Variants in PATJ observed in about 807,000 individuals in gnomAD.
PATJ encodes PATJ crumbs cell polarity complex component.
PATJ carries 190 observed loss-of-function variants against 224.9 expected under a neutral mutation model. The ratio of observed to expected loss-of-function variants is 0.84; its 90% CI spans 0.75 to 0.95. The LOEUF (loss-of-function observed/expected upper bound fraction) is 0.95, where lower values mean the gene tolerates loss of function less well. PATJ is among the 40% of genes least tolerant of loss of function. The pLI is 0.00. For synonymous variants in PATJ, 769 were observed against 820.3 expected (o/e 0.94, Z 1.07); for missense variants, 2,121 against 2,270.3 (o/e 0.93, Z 1.34).
At chr1:62,023,306 A>T (rs1289038107) in intron 29 of PATJ, among the ~76,000 whole-genome samples, 1 of 151,596 alleles carries the variant, frequency 6.6e-6, no homozygotes, top group Non-Finnish European at 1.5e-5. Context: ...AAAAAAAAAA[A>T]TCCTTCTTGT....
At chr1:61,946,833 A>T (rs11207875) in intron 27 of PATJ, among the ~76,000 whole-genome samples, 6,588 of 152,234 alleles carry the variant, frequency 0.043, 533 homozygotes, top group African/African-American at 0.15. Context: ...ATACCAGCAA[A>T]CCGAATCCAG....
At chr1:61,997,987 T>TATATATATATATATATA (rs1645485806) in intron 28 of PATJ, among the ~76,000 whole-genome samples, 2 of 109,366 alleles carry the variant, frequency 1.8e-5, no homozygotes, top group African/African-American at 7.8e-5. Context: ...CCAGCTTATA[T>TATATATATATATATATA]ATGTATATAT....
intron 24 of PATJ, among the ~76,000 whole-genome samples, chr1:61,903,269 G>A (rs1459636948): frequency 6.6e-6 from 1 of 152,198 alleles, no homozygotes; most frequent in African/African-American, 2.4e-5. Context: ...GAGCAGTCAG[G>A]TTGTGGTATA....
intron 11 of PATJ, among the ~76,000 whole-genome samples, chr1:61,801,360 C>G (rs1175012434): frequency 1.3e-5 from 2 of 152,060 alleles, no homozygotes; most frequent in East Asian, 3.8e-4. Context: ...ATGTGTCTTC[C>G]CATTGTTTAG....
chr1:62,110,315 G>T (rs183796488), intron 34 of PATJ, among the ~76,000 whole-genome samples: 1 of 152,326 alleles, frequency 6.6e-6, no homozygotes, highest in African/African-American at 2.4e-5. Context: ...AATGTGTGAT[G>T]AGGCATCGGC....
At chr1:62,022,679 C>T (rs1303788372) in intron 29 of PATJ, among the ~76,000 whole-genome samples, 1 of 152,180 alleles carries the variant, frequency 6.6e-6, no homozygotes, top group African/African-American at 2.4e-5. Context: ...TAACAACTCA[C>T]TCTCCATTAC....
At chr1:62,066,540 C>T (rs1255222567) in intron 31 of PATJ, among the ~76,000 whole-genome samples, 2 of 152,064 alleles carry the variant, frequency 1.3e-5, no homozygotes, top group Non-Finnish European at 2.9e-5. Flanking sequence ...GGAGACACCA[C>T]ACCTGGCCTG....
chr1:61,979,001 C>T (rs112140708), intron 27 of PATJ, among the ~76,000 whole-genome samples: 120 of 152,108 alleles, frequency 7.9e-4, no homozygotes, highest in African/African-American at 2.6e-3. Context: ...AAGAAAAAGG[C>T]ATTGATGCTT....
chr1:61,855,555 C>T (rs987965731), intron 17 of PATJ, among the ~76,000 whole-genome samples: 1 of 151,966 alleles, frequency 6.6e-6, no homozygotes, highest in African/African-American at 2.4e-5. Flanking sequence ...GTTCGGACTA[C>T]AAACACACAC....
chr1:62,089,317 A>G (rs1660423706), intron 33 of PATJ, among the ~76,000 whole-genome samples: 1 of 151,612 alleles, frequency 6.6e-6, no homozygotes, highest in South Asian at 2.1e-4. Context: ...GAATTCCATC[A>G]CTTCCTGCAA....
chr1:61,763,667 C>A (rs1346436474), intron 3 of PATJ, among the ~76,000 whole-genome samples: 4 of 150,924 alleles, frequency 2.7e-5, no homozygotes, highest in African/African-American at 7.3e-5. Context: ...AATATATTTT[C>A]TTTTTATTTT....
At position 61,990,174 on chromosome 1, in the gene PATJ, T is replaced by C. The variant is rs576287443; in HGVS notation, c.3677T>C (p.Ile1226Thr). The C allele has an allele frequency of 6.3e-7, 1 of 1,592,428 alleles. No individual in the cohort carries two copies. Among genetic ancestry groups the C allele is most frequent in the East Asian group, 2.2e-5 (1 of 44,522 alleles). ...EEEDAFTDQK[I>T]RQRYADLPGE... ...AAAAAAATTCTTTTAATAGAAAAAA[T>C]CAGACAAAGATATGCAGATCTGCCT... is the stretch of plus-strand genomic sequence containing the variant. The change falls in exon 28 of 44, where the codon ATC becomes ACC. Residue 1226 changes from isoleucine (I) to threonine (T), a missense_variant. Transcript: ENST00000642238.
At chr1:62,047,076 T>C (rs1652700912) in intron 30 of PATJ, among the ~76,000 whole-genome samples, 1 of 152,220 alleles carries the variant, frequency 6.6e-6, no homozygotes, top group African/African-American at 2.4e-5. Flanking sequence ...CTCTAATTTA[T>C]TTAAGGAACG....
At position 62,153,447 on chromosome 1, in the gene PATJ, A is replaced by G; in HGVS notation, c.5468A>G (p.Asp1823Gly). 8.1e-7 allele frequency: 1 copy of G among 1,231,582 alleles called. No individual in the cohort carries two copies. The highest frequency in any genetic ancestry group is 1.0e-6 in the Non-Finnish European group (1 of 987,532). The allele number at this position is 1,231,582 out of a possible 1,614,324, so 76.3% of individuals were successfully genotyped here. The part of the protein sequence containing the change: ...IVGGYGSPHG[D>G]LPIYVKTVFA... ...GGGGGTTATGGAAGTCCCCATGGAG[A>G]CCTGCCAATTTATGTCAAGACTGTA... is the stretch of plus-strand genomic sequence containing the variant. The change falls in exon 43 of 44, where the codon GAC (aspartate) becomes GGC (glycine). Residue 1823 changes from aspartate to glycine, a missense_variant. Transcript: ENST00000642238.
intron 3 of PATJ, among the ~76,000 whole-genome samples, chr1:61,764,875 T>A (rs1372418682): frequency 6.6e-6 from 1 of 152,094 alleles, no homozygotes; most frequent in Admixed American, 6.6e-5. Flanking sequence ...CAACTGAAAT[T>A]GGCAAAGATC....
At chr1:62,001,837 C>G (rs941331178) in intron 28 of PATJ, among the ~76,000 whole-genome samples, 7 of 151,000 alleles carry the variant, frequency 4.6e-5, no homozygotes, top group African/African-American at 7.3e-5. Context: ...TCTTCCATTT[C>G]TTTGTATCCT....
chr1:62,038,059 T>C lies in PATJ; in HGVS notation c.4032+10T>C, dbSNP rs1331589730. On this transcript the variant is annotated intron_variant, in intron 30 of 43. Transcript: ENST00000642238. ...TCCATCTTCTATTGAGGTAAGGTTGTTTCTAATTAGCTCTTAGTATATTAG... is the reference window on the plus strand; with the variant it reads ...TCCATCTTCTATTGAGGTAAGGTTGCTTCTAATTAGCTCTTAGTATATTAG... 1.3e-6 allele frequency: 2 copies of C among 1,552,326 alleles called. No homozygotes were observed. Among genetic ancestry groups the C allele is most frequent in the Admixed American group, 3.4e-5 (2 of 58,482 alleles).
chr1:62,102,178 CAAATAAATAAAT>C (rs112794744), intron 33 of PATJ, among the ~76,000 whole-genome samples: 38,587 of 149,988 alleles, frequency 0.26, 5,590 homozygotes, highest in South Asian at 0.41. Context: ...GACCCTGTCT[CAAATAAATAAAT>C]AAATAAATAA....
intron 33 of PATJ, among the ~76,000 whole-genome samples, chr1:62,107,710 G>A (rs896884474): frequency 1.7e-4 from 26 of 152,056 alleles, no homozygotes; most frequent in Non-Finnish European, 3.1e-4. Flanking sequence ...GTGGGTACAT[G>A]TCATTTTTAT....
Sources: allele counts gnomAD v4.1 joint callset (sites outside exome capture counted in the v4.1 genomes callset), GRCh38; gene constraint gnomAD v4.1.1; transcripts MANE v1.5; gene names NCBI Gene and HGNC (gene_info 2026-07-23, HGNC 2026-07-21).